SYNE1: variants seen among roughly 807,000 people sequenced by gnomAD.
The protein encoded by SYNE1 is spectrin repeat containing nuclear envelope protein 1.
A neutral mutation model predicts 1,111.0 loss-of-function variants in SYNE1; 616 were observed. The ratio of observed to expected loss-of-function variants is 0.55; its 90% CI spans 0.52 to 0.59. The LOEUF is 0.59. SYNE1 is among the 20% of genes least tolerant of loss of function. The probability of loss-of-function intolerance (pLI) is 0.00; values close to 1 mark genes in which losing one functional copy is unlikely to be tolerated. For synonymous variants in SYNE1, 3,855 were observed against 3,825.8 expected (o/e 1.01, Z -0.28); for missense variants, 10,006 against 10,417.0 (o/e 0.96, Z 1.72).
intron 87 of SYNE1, chr6:152,316,452 T>C: frequency 3.6e-6 from 1 of 276,848 alleles, no homozygotes; most frequent in East Asian, 9.6e-5. Context: ...CAGCCCTGCA[T>C]GGCGGAGCTT....
Position 152,330,444 on chromosome 6 carries a change from C to A in SYNE1, c.14241G>T (p.Trp4747Cys), listed in dbSNP as rs2096219909. 1 of 1,614,030 alleles carries A rather than the reference C, an allele frequency of 6.2e-7. No homozygotes were observed. Reference sequence around the variant, plus strand: ...CAAGGTGCAGCATCTTGTCTGGCTGCCAAGGCTGACCTGTGCTGCGAAAAC... The same window carrying A: ...CAAGGTGCAGCATCTTGTCTGGCTGACAAGGCTGACCTGTGCTGCGAAAAC... ...KEGFRSTGQP[W>C]QPDKMLHLVT... Residue 4747 changes from tryptophan (W) to cysteine (C), a missense_variant, in exon 78 of 146, where the codon TGG becomes TGT. Trp to Cys is a radical substitution (Grantham distance 215). Around this residue, in one of 7 missense-constraint regions of SYNE1, gnomAD observed 4,955 missense variants for 5,017.2 expected, o/e 0.99. Coordinates refer to ENST00000367255, the MANE Select transcript of SYNE1 (RefSeq NM_182961.4).
intron 14 of SYNE1, among the ~76,000 whole-genome samples, chr6:152,482,752 C>A (rs1356149611): frequency 1.3e-5 from 2 of 152,094 alleles, no homozygotes; most frequent in Non-Finnish European, 2.9e-5. Context: ...AGGTCTGGAG[C>A]CAATGGCCGG....
intron 10 of SYNE1, among the ~76,000 whole-genome samples, chr6:152,501,697 T>C (rs1449893692): frequency 6.7e-6 from 1 of 150,176 alleles, no homozygotes; most frequent in African/African-American, 2.5e-5. Context: ...ATTGTGCTAC[T>C]GCACTCCAGC....
intron 108 of SYNE1, among the ~76,000 whole-genome samples, chr6:152,237,931 A>G (rs2084603620): frequency 1.3e-5 from 2 of 152,296 alleles, no homozygotes; most frequent in Admixed American, 1.3e-4. Flanking sequence ...TGGAGTGGCA[A>G]CAGGGCACAG....
At chr6:152,309,083 C>T (rs1453568899) in intron 90 of SYNE1, among the ~76,000 whole-genome samples, 1 of 152,150 alleles carries the variant, frequency 6.6e-6, no homozygotes, top group Admixed American at 6.5e-5. Flanking sequence ...CTTTTGGAGG[C>T]CAAGGTGGCT....
At chr6:152,176,122 G>T (rs888609937) in intron 130 of SYNE1, among the ~76,000 whole-genome samples, 28 of 150,658 alleles carry the variant, frequency 1.9e-4, no homozygotes, top group African/African-American at 6.8e-4. Flanking sequence ...CTAAAATAAA[G>T]AATTTTCTCT....
At chr6:152,408,430 G>A (rs1592082434) in intron 44 of SYNE1, among the ~76,000 whole-genome samples, 1 of 152,192 alleles carries the variant, frequency 6.6e-6, no homozygotes, top group Admixed American at 6.5e-5. Flanking sequence ...ATGTTATGGT[G>A]TAATATTCTA....
chr6:152,523,404 T>C (rs981152525), intron 5 of SYNE1, among the ~76,000 whole-genome samples: 2 of 152,180 alleles, frequency 1.3e-5, no homozygotes, highest in Admixed American at 1.3e-4. Context: ...TTCTGTTCCA[T>C]TGGTCTATGT....
At chr6:152,334,423 G>A in intron 76 of SYNE1, 150 bp from the exon 77 acceptor site, 5 of 915,702 alleles carry the variant, frequency 5.5e-6, no homozygotes, top group Middle Eastern at 3.4e-4. Flanking sequence ...GGGAAACAAA[G>A]AGAAAATCTA....
At chr6:152,561,226 C>A (rs2099394187) in intron 3 of SYNE1, among the ~76,000 whole-genome samples, 1 of 151,916 alleles carries the variant, frequency 6.6e-6, no homozygotes. Flanking sequence ...TTATAAGGTA[C>A]AAAATTAACA....
chr6:152,605,742 A>G (rs2099613038), intron 3 of SYNE1, among the ~76,000 whole-genome samples: 1 of 152,102 alleles, frequency 6.6e-6, no homozygotes. Context: ...TATAGAAACA[A>G]TTTTACTTTT....
chr6:152,474,012 C>T (rs1462358195), intron 14 of SYNE1, among the ~76,000 whole-genome samples: 3 of 151,958 alleles, frequency 2.0e-5, no homozygotes, highest in South Asian at 2.1e-4. Context: ...GGTGAAACCC[C>T]GTCTCTACTA....
chr6:152,130,669 A>T (rs374973560), intron 145 of SYNE1, 51 bp downstream of exon 145: 1 of 1,603,202 alleles, frequency 6.2e-7, no homozygotes, highest in Admixed American at 1.7e-5. Flanking sequence ...GACAATTTTC[A>T]TCATCCTCTT....
Position 152,381,164 on chromosome 6 carries a change from T to G in SYNE1, c.8851A>C (p.Met2951Leu). The G allele has an allele frequency of 6.2e-7, 1 of 1,614,234 alleles. No homozygotes were observed. ...QSCLENLVSQ[M>L]ALSEQEFSGQ... ...GAGAATTCCTGCTCCGAAAGGGCCA[T>G]CTGGCTGACCAGGTTCTCCAAACAG... The change falls in exon 56 of 146, where the codon ATG (methionine) becomes CTG (leucine). Residue 2951 changes from methionine (M) to leucine (L), a missense_variant. By Grantham distance (15) the Met-to-Leu change is conservative. This residue lies in a region of SYNE1 where 4,955 missense variants were observed against 5,017.2 expected (regional missense o/e 0.99). Transcript: ENST00000367255.
intron 116 of SYNE1, 110 bp from the exon 117 acceptor site, chr6:152,224,774 G>A: frequency 1.7e-6 from 2 of 1,157,066 alleles, no homozygotes; most frequent in East Asian, 2.5e-5. Context: ...CAGGGTTTCA[G>A]GTATCATAAA....
In SYNE1 at chr6:152,330,524, C is replaced by T. The variant is rs776951738; in HGVS notation, c.14161G>A (p.Asp4721Asn). 1 of 1,614,126 alleles carries T rather than the reference C, an allele frequency of 6.2e-7. No homozygotes were observed. Among genetic ancestry groups the T allele is most frequent in the Admixed American group, 1.7e-5 (1 of 60,018 alleles). The change falls in exon 78 of 146, where the codon GAC (aspartate) becomes AAC (asparagine). Residue 4721 changes from aspartate to asparagine, a missense_variant. Around this residue, in one of 7 missense-constraint regions of SYNE1, gnomAD observed 4,955 missense variants for 5,017.2 expected, o/e 0.99. Transcript: ENST00000367255. ...GCCTCCCCAAGGCCCGCCACCTCGT[C>T]CAGAATGGCTCTGCAACCATCTTGC... is the stretch of plus-strand genomic sequence containing the variant. ...SLQDGCRAIL[D>N]EVAGLGEAVD...
intron 3 of SYNE1, among the ~76,000 whole-genome samples, chr6:152,558,555 A>G (rs147460689): frequency 1.6e-4 from 25 of 152,326 alleles, no homozygotes; most frequent in Non-Finnish European, 2.5e-4. Context: ...CTTATATCGC[A>G]CAATGTAGAT....
intron 56 of SYNE1, chr6:152,380,618 C>A (rs1591538572): frequency 3.6e-6 from 1 of 276,252 alleles, no homozygotes; most frequent in South Asian, 3.7e-5. Flanking sequence ...GCTATAAATT[C>A]AATCATTTAG....
chr6:152,363,810 A>G, intron 63 of SYNE1: 1 of 453,438 alleles, frequency 2.2e-6, no homozygotes, highest in South Asian at 1.6e-5. Context: ...TCTAATTCAT[A>G]TGAGTTTGTC....
Sources: allele counts gnomAD v4.1 joint callset (sites outside exome capture counted in the v4.1 genomes callset), GRCh38; gene constraint gnomAD v4.1.1; regional missense constraint gnomAD v4.1.1; transcripts MANE v1.5; gene names NCBI Gene and HGNC (gene_info 2026-07-23, HGNC 2026-07-21).